Variants in HPSE2 observed in about 807,000 individuals in gnomAD.
HPSE2 encodes heparanase 2 (inactive).
In HPSE2, 38 loss-of-function variants were observed where a neutral mutation model predicts 60.5. The observed-to-expected ratio is 0.63, with a 90% CI of 0.48 to 0.82. The LOEUF (loss-of-function observed/expected upper bound fraction) is 0.82. Ranked by LOEUF, HPSE2 falls within the 40% of genes least tolerant of loss-of-function variation. The pLI, the probability that HPSE2 is intolerant of heterozygous loss-of-function variation, is 0.00. For missense variants in HPSE2, 713 were observed against 740.4 expected (o/e 0.96, Z 0.43); for synonymous variants, 295 against 293.2 (o/e 1.01, Z -0.06).
At chr10:98,733,416 C>G (rs1390506534) in intron 4 of HPSE2, among the ~76,000 whole-genome samples, 2 of 152,172 alleles carry the variant, frequency 1.3e-5, no homozygotes, top group African/African-American at 2.4e-5. Flanking sequence ...GCCACCATGA[C>G]TGGCCTGTTA....
At chr10:98,768,682 A>G (rs1209899496) in intron 3 of HPSE2, among the ~76,000 whole-genome samples, 2 of 152,160 alleles carry the variant, frequency 1.3e-5, no homozygotes, top group East Asian at 1.9e-4. Flanking sequence ...ACTGGCCCCA[A>G]ATTTATTCTG....
chr10:98,756,823 T>A (rs1949889210), intron 3 of HPSE2, among the ~76,000 whole-genome samples: 1 of 151,902 alleles, frequency 6.6e-6, no homozygotes, highest in Non-Finnish European at 1.5e-5. Flanking sequence ...TCTGACTTAT[T>A]CATGAGGCCA....
At chr10:99,243,299 G>A in the HPSE2 span, among the ~76,000 whole-genome samples, 1 of 151,832 alleles carries the variant, frequency 6.6e-6, no homozygotes, top group Admixed American at 6.6e-5. Flanking sequence ...GTTGCAGTGA[G>A]CTGAGATTGC....
chr10:99,289,566 TA>T, the HPSE2 span, among the ~76,000 whole-genome samples: 1 of 152,106 alleles, frequency 6.6e-6, no homozygotes, highest in Non-Finnish European at 1.5e-5. Flanking sequence ...TATTTTAACA[TA>T]GGGGGAATAT....
intron 9 of HPSE2, among the ~76,000 whole-genome samples, chr10:98,522,039 C>G (rs540564011): frequency 4.6e-4 from 70 of 151,836 alleles, no homozygotes; most frequent in African/African-American, 1.6e-3. Flanking sequence ...ATGCAAATGA[C>G]GAGTTGATGG....
At chr10:99,268,199 A>C in the HPSE2 span, among the ~76,000 whole-genome samples, 2 of 152,214 alleles carry the variant, frequency 1.3e-5, no homozygotes, top group Non-Finnish European at 2.9e-5. Flanking sequence ...TCCAGCAAAG[A>C]AGCCTTCATA....
At chr10:99,021,941 T>C (rs1388834786) in intron 3 of HPSE2, among the ~76,000 whole-genome samples, 1 of 151,826 alleles carries the variant, frequency 6.6e-6, no homozygotes, top group Non-Finnish European at 1.5e-5. Flanking sequence ...GTGCACAACA[T>C]GCAGGTTTGT....
rs1046794487 is a variant in HPSE2, at chr10:98,576,931, G to A, written c.1320+37973C>T. 2.6e-5 allele frequency among the ~76,000 whole-genome samples: 4 copies of A among 151,852 alleles called. No individual in the cohort carries two copies. In the East Asian group the frequency reaches 7.7e-4, roughly 29 times the overall value. ...TGCCAAAAAGCTTATCATGGTGAGT[G>A]CAGCTTCTCCCATCAAATATACCAC... On this transcript the variant is annotated intron_variant, in intron 9 of 11. Transcript: ENST00000370552.
At chr10:98,987,971 A>T (rs573547416) in intron 3 of HPSE2, among the ~76,000 whole-genome samples, 46 of 152,318 alleles carry the variant, frequency 3.0e-4, no homozygotes, top group Middle Eastern at 3.4e-3. Context: ...AGAACTACAA[A>T]CCACTTTTCA....
At chr10:98,469,493 T>C (rs1940688498) in intron 11 of HPSE2, among the ~76,000 whole-genome samples, 1 of 152,242 alleles carries the variant, frequency 6.6e-6, no homozygotes, top group Admixed American at 6.5e-5. Flanking sequence ...ATCGTTCTTT[T>C]CATTGTACCA....
At chr10:99,144,067 A>G (rs1446566538) in intron 3 of HPSE2, among the ~76,000 whole-genome samples, 171 bp downstream of exon 3, 1 of 152,226 alleles carries the variant, frequency 6.6e-6, no homozygotes, top group Non-Finnish European at 1.5e-5. Flanking sequence ...TGAATCACCC[A>G]TAACTTCAAA....
At chr10:98,793,332 T>A (rs879846225) in intron 3 of HPSE2, among the ~76,000 whole-genome samples, 2 of 152,250 alleles carry the variant, frequency 1.3e-5, no homozygotes, top group African/African-American at 4.8e-5. Context: ...TTTGCTATCA[T>A]AAAATCAACT....
chr10:98,597,919 C>T lies in HPSE2; in HGVS notation c.1320+16985G>A, dbSNP rs569347125. 1.4e-4 allele frequency among the ~76,000 whole-genome samples: 19 copies of T among 133,536 alleles called. No homozygotes were observed. In the South Asian group the frequency reaches 1.6e-3, roughly 11 times the overall value. 87.6% of individuals were successfully genotyped at this position (133,536 alleles called of 152,430 possible). A position where few individuals can be genotyped will look rare whatever the true frequency, so the allele number is the denominator to read the frequency against. ...CCAGGAGGTGGAGGTTGCAGTGAGC[C>T]GAGATCATGCCACTGCACTCCAGCC... On this transcript the variant is annotated intron_variant, in intron 9 of 11. Coordinates refer to ENST00000370552, the MANE Select transcript of HPSE2 (RefSeq NM_021828.5).
chr10:98,468,179 C>T (rs533872724), intron 11 of HPSE2, among the ~76,000 whole-genome samples: 81 of 152,358 alleles, frequency 5.3e-4, no homozygotes, highest in African/African-American at 1.1e-3. Flanking sequence ...CTTTGCTTCC[C>T]TTTCCTGCTC....
chr10:98,708,037 G>A (rs2134211036), intron 5 of HPSE2, among the ~76,000 whole-genome samples: 1 of 152,242 alleles, frequency 6.6e-6, no homozygotes, highest in Non-Finnish European at 1.5e-5. Context: ...GTGAAAAACT[G>A]AAGCATTTTG....
At chr10:99,018,821 G>A (rs554601036) in intron 3 of HPSE2, among the ~76,000 whole-genome samples, 2 of 152,192 alleles carry the variant, frequency 1.3e-5, no homozygotes, top group East Asian at 1.9e-4. Context: ...TTTCAAAATC[G>A]ACTCGAAGAC....
intron 9 of HPSE2, among the ~76,000 whole-genome samples, chr10:98,567,910 A>G (rs568622): frequency 0.85 from 129,152 of 151,842 alleles, 56,141 homozygotes; most frequent in East Asian, 1. Flanking sequence ...CAGCTGAGCC[A>G]GCAGGATCCC....
intron 3 of HPSE2, among the ~76,000 whole-genome samples, chr10:99,101,206 G>C (rs1355151339): frequency 6.6e-5 from 10 of 152,116 alleles, no homozygotes; most frequent in African/African-American, 9.7e-5. Context: ...ACTGTATAAA[G>C]AGTCAAGACC....
At chr10:99,197,203 G>A (rs974191056) in intron 2 of HPSE2, among the ~76,000 whole-genome samples, 13 of 152,168 alleles carry the variant, frequency 8.5e-5, no homozygotes, top group African/African-American at 3.1e-4. Context: ...ATAGTAAAAG[G>A]ATTGTTACCA....
Sources: allele counts gnomAD v4.1 joint callset (sites outside exome capture counted in the v4.1 genomes callset), GRCh38; gene constraint gnomAD v4.1.1; transcripts MANE v1.5; gene names NCBI Gene and HGNC (gene_info 2026-07-23, HGNC 2026-07-21).